Variants in PTCHD4 observed in about 807,000 individuals in gnomAD.
PTCHD4 encodes the protein patched domain containing 4, also known as patched domain-containing protein 4.
A neutral mutation model predicts 58.1 loss-of-function variants in PTCHD4; 33 were observed. The ratio of observed to expected loss-of-function variants is 0.57; its 90% CI spans 0.43 to 0.76. The LOEUF (loss-of-function observed/expected upper bound fraction) is 0.76, where lower values mean the gene tolerates loss of function less well. Among genes scored for constraint, PTCHD4 ranks in the 30% least tolerant of loss-of-function variants. The pLI is 0.00. For missense variants in PTCHD4, 1,058 were observed against 1,027.1 expected, an observed-to-expected ratio of 1.03 and a Z score of -0.41; for synonymous variants, 478 against 409.6, an observed-to-expected ratio of 1.17 and a Z score of -2.02.
Position 47,867,633 on chromosome 6 carries a change from C to A in PTCHD4, c.*10670G>T, listed in dbSNP as rs1763605684. On this transcript the variant is annotated 3_prime_UTR_variant, in exon 5 of 5. Coordinates refer to ENST00000339488, the MANE Select transcript of PTCHD4 (RefSeq NM_001384253.1). ...CATCTCATCTGTTATAGCCTTCATC[C>A]TGGACAACCTGCTTTCCTGCCCTTG... Among the ~76,000 whole-genome samples, 2 of 151,800 alleles carry A rather than the reference C, an allele frequency of 1.3e-5. No homozygotes were observed. Among genetic ancestry groups the A allele is most frequent in the East Asian group, 3.9e-4 (2 of 5,128 alleles).
At chr6:47,931,507 A>G (rs936119532) in intron 4 of PTCHD4, among the ~76,000 whole-genome samples, 2 of 152,194 alleles carry the variant, frequency 1.3e-5, no homozygotes, top group Admixed American at 6.5e-5. Flanking sequence ...AAAGGAGCAC[A>G]TTTGTAGTGG....
chr6:47,909,296 C>A (rs77139175), intron 4 of PTCHD4, among the ~76,000 whole-genome samples: 6,152 of 152,098 alleles, frequency 0.04, 166 homozygotes, highest in Non-Finnish European at 0.047. Context: ...TAAGTTAAAT[C>A]TTTTCTTCAT....
Position 47,907,473 on chromosome 6 carries a change from G to T in PTCHD4, c.899-27537C>A, listed in dbSNP as rs140030845. 4.1e-3 allele frequency among the ~76,000 whole-genome samples: 626 copies of T among 152,272 alleles called. 4 individuals carry two copies. Among genetic ancestry groups the T allele is most frequent in the Middle Eastern group, 0.014 (4 of 294 alleles). On this transcript the variant is annotated intron_variant, in intron 4 of 4. Coordinates refer to ENST00000339488, the MANE Select transcript of PTCHD4 (RefSeq NM_001384253.1). ...AAAACTGTGAAAGGAGGAATGAAGA[G>T]AATAGATAGACTGACTAAGGAGCTA...
At chr6:48,037,373 G>A in intron 3 of PTCHD4, among the ~76,000 whole-genome samples, 1 of 152,120 alleles carries the variant, frequency 6.6e-6, no homozygotes, top group East Asian at 1.9e-4. Context: ...GCATCCACTG[G>A]AGTCTTGGAC....
At chr6:48,032,395 G>T (rs377303205) in intron 3 of PTCHD4, among the ~76,000 whole-genome samples, 14 of 151,666 alleles carry the variant, frequency 9.2e-5, no homozygotes, top group Non-Finnish European at 1.5e-4. Flanking sequence ...AAAATAGCTC[G>T]CTCTCTCTCT....
Position 47,879,619 on chromosome 6 carries a change from T to A in PTCHD4, c.1216A>T (p.Ile406Phe). ...NRYHSIFCCK[I>F]PSAEYLDRKP... ...CGATCCAGGTATTCTGCAGAAGGGA[T>A]CTTACAGCAAAAGATGCTGTGGTAG... Residue 406 changes from isoleucine (I) to phenylalanine (F), a missense_variant, in exon 5 of 5, where the codon ATC becomes TTC. Coordinates refer to ENST00000339488, the MANE Select transcript of PTCHD4 (RefSeq NM_001384253.1). 1.2e-6 allele frequency: 2 copies of A among 1,613,690 alleles called. No individual in the cohort carries two copies. The highest frequency in any genetic ancestry group is 2.2e-5 in the East Asian group (1 of 44,854).
intron 4 of PTCHD4, among the ~76,000 whole-genome samples, chr6:47,924,505 G>T (rs1471175826): frequency 1.3e-5 from 2 of 151,988 alleles, no homozygotes; most frequent in African/African-American, 4.8e-5. Context: ...ATCATGGGCT[G>T]GTTCCTTAAA....
At chr6:48,017,861 T>C (rs911955235) in intron 3 of PTCHD4, among the ~76,000 whole-genome samples, 2 of 152,120 alleles carry the variant, frequency 1.3e-5, no homozygotes, top group African/African-American at 4.8e-5. Context: ...AACGTAATGG[T>C]TATGTACACA....
rs1429496602 is a variant in PTCHD4 at position 47,860,961 on chromosome 6, T to C, written c.*17342A>G. On this transcript the variant is annotated 3_prime_UTR_variant, in exon 5 of 5. Transcript: ENST00000339488. ...GTATAGTCCAACTAAGAAACAGAGT[T>C]GATGTGCTCCATGCTGAGGTCGAAT... 6.6e-6 allele frequency among the ~76,000 whole-genome samples: 1 copy of C among 151,992 alleles called. No homozygotes were observed. The highest frequency in any genetic ancestry group is 1.5e-5 in the Non-Finnish European group (1 of 67,922).
At chr6:48,056,590 C>T (rs1012695964) in intron 3 of PTCHD4, among the ~76,000 whole-genome samples, 14 of 152,134 alleles carry the variant, frequency 9.2e-5, no homozygotes, top group East Asian at 7.7e-4. Context: ...AAATGTAACT[C>T]GGGTTTCTTA....
chr6:47,975,175 T>C (rs1014978275), intron 4 of PTCHD4, among the ~76,000 whole-genome samples: 11 of 152,296 alleles, frequency 7.2e-5, no homozygotes, highest in African/African-American at 2.4e-4. Context: ...AGCACGTGCT[T>C]TGTTCATCAT....
intron 4 of PTCHD4, among the ~76,000 whole-genome samples, chr6:47,940,094 T>C (rs1766153912): frequency 6.6e-6 from 1 of 152,134 alleles, no homozygotes. Flanking sequence ...TGATCATAAT[T>C]GTTTTCTGCA....
chr6:48,055,621 A>C (rs1198722350), intron 3 of PTCHD4, among the ~76,000 whole-genome samples: 1 of 152,244 alleles, frequency 6.6e-6, no homozygotes, highest in East Asian at 1.9e-4. Flanking sequence ...AATTGAAAGA[A>C]TGAAATGAAA....
chr6:48,084,411 A>T (rs1444860258), intron 1 of PTCHD4, among the ~76,000 whole-genome samples: 1 of 152,194 alleles, frequency 6.6e-6, no homozygotes, highest in Non-Finnish European at 1.5e-5. Flanking sequence ...TAGTCACAAA[A>T]ATGCTGCTGT....
At chr6:47,883,849 C>T (rs1256431799) in intron 4 of PTCHD4, among the ~76,000 whole-genome samples, 4 of 152,046 alleles carry the variant, frequency 2.6e-5, no homozygotes, top group Non-Finnish European at 5.9e-5. Context: ...AATTTGGCTT[C>T]AATTGAAAAT....
At position 47,856,862 on chromosome 6, in the gene PTCHD4, G is replaced by T. The variant is rs1439186727; in HGVS notation, c.*21441C>A. ...TCACATGATTTTCTAATATAAAAAA[G>T]CATATAGTCATCAACCTTTATATAA... On this transcript the variant is annotated 3_prime_UTR_variant, in exon 5 of 5. Coordinates refer to ENST00000339488, the MANE Select transcript of PTCHD4 (RefSeq NM_001384253.1). Among the ~76,000 whole-genome samples the T allele has an allele frequency of 6.6e-6, 1 of 151,932 alleles. No individual in the cohort carries two copies. Among genetic ancestry groups the T allele is most frequent in the Non-Finnish European group, 1.5e-5 (1 of 67,980 alleles).
rs957255325 is a variant in PTCHD4, at chr6:47,865,929, T to C, written c.*12374A>G. Among the ~76,000 whole-genome samples, 2 of 151,906 alleles carry C rather than the reference T, an allele frequency of 1.3e-5. No homozygotes were observed. The highest frequency in any genetic ancestry group is 2.4e-5 in the African/African-American group (1 of 41,410). On this transcript the variant is annotated 3_prime_UTR_variant, in exon 5 of 5. Coordinates refer to ENST00000339488, the MANE Select transcript of PTCHD4 (RefSeq NM_001384253.1). ...CTGGAAATGTACCCTCAAGCTAAAT[T>C]GAGTTCGTTGACCCAGGAACATATT...
At chr6:48,003,655 A>C (rs1768826705) in intron 4 of PTCHD4, among the ~76,000 whole-genome samples, 1 of 152,166 alleles carries the variant, frequency 6.6e-6, no homozygotes, top group Non-Finnish European at 1.5e-5. Flanking sequence ...TATCTTTATA[A>C]AGTATGTCAG....
rs1763870365 is a variant in PTCHD4 at position 47,877,192 on chromosome 6, C to T, written c.*1111G>A. 6.6e-6 allele frequency among the ~76,000 whole-genome samples: 1 copy of T among 151,966 alleles called. No individual in the cohort carries two copies. Among genetic ancestry groups the T allele is most frequent in the Non-Finnish European group, 1.5e-5 (1 of 67,968 alleles). ...TATTCTATTTCACTCTACGAGTTTC[C>T]TAGTTATGTCTCCTTTCTCCTATGT... On this transcript the variant is annotated 3_prime_UTR_variant, in exon 5 of 5. Coordinates refer to ENST00000339488, the MANE Select transcript of PTCHD4 (RefSeq NM_001384253.1).
Sources: allele counts gnomAD v4.1 joint callset (sites outside exome capture counted in the v4.1 genomes callset), GRCh38; gene constraint gnomAD v4.1.1; transcripts MANE v1.5; gene names NCBI Gene and HGNC (gene_info 2026-07-23, HGNC 2026-07-21).